EYS: variants seen among roughly 807,000 people sequenced by gnomAD.
EYS encodes protein eyes shut homolog.
In EYS, 250 loss-of-function variants were observed where a neutral mutation model predicts 282.1. The ratio of observed to expected loss-of-function variants is 0.89; its 90% CI spans 0.80 to 0.98. The LOEUF (loss-of-function observed/expected upper bound fraction) is 0.98, where lower values mean the gene tolerates loss of function less well. Ranked by LOEUF, EYS falls within the 50% of genes least tolerant of loss-of-function variation. The pLI is 0.00. For synonymous variants in EYS, 1,355 were observed against 1,282.9 expected, an observed-to-expected ratio of 1.06 and a Z score of -1.20; for missense variants, 4,016 against 3,709.0, an observed-to-expected ratio of 1.08 and a Z score of -2.15.
intron 12 of EYS, among the ~76,000 whole-genome samples, chr6:65,232,376 G>GTATTA (rs1170602644): frequency 6.6e-6 from 1 of 152,036 alleles, no homozygotes; most frequent in African/African-American, 2.4e-5. Flanking sequence ...GTGATCTACT[G>GTATTA]TATTAATGGA....
chr6:65,165,811 A>T (rs759868902), intron 12 of EYS, among the ~76,000 whole-genome samples: 6 of 151,180 alleles, frequency 4.0e-5, no homozygotes, highest in Non-Finnish European at 8.9e-5. Flanking sequence ...ACAATTTTCC[A>T]TATAGAAAAT....
At chr6:63,829,691 G>T (rs572150120) in intron 36 of EYS, among the ~76,000 whole-genome samples, 1 of 152,222 alleles carries the variant, frequency 6.6e-6, no homozygotes, top group Non-Finnish European at 1.5e-5. Flanking sequence ...AAACGTCCCT[G>T]TCTGACAGCT....
At chr6:65,434,716 C>T (rs1296933402) in intron 5 of EYS, among the ~76,000 whole-genome samples, 1 of 145,424 alleles carries the variant, frequency 6.9e-6, no homozygotes, top group Non-Finnish European at 1.5e-5. Context: ...TCTCATCATA[C>T]TTCTTCTCCT....
At chr6:64,340,939 A>G (rs1771079104) in intron 29 of EYS, among the ~76,000 whole-genome samples, 1 of 151,724 alleles carries the variant, frequency 6.6e-6, no homozygotes. Flanking sequence ...AGAAGACATA[A>G]ATGGCCAACA....
intron 1 of EYS, among the ~76,000 whole-genome samples, chr6:65,698,176 T>C (rs573814809): frequency 6.6e-6 from 1 of 152,250 alleles, no homozygotes; most frequent in Admixed American, 6.5e-5. Flanking sequence ...TAAAGAATAG[T>C]TGCCTTCCTA....
intron 22 of EYS, among the ~76,000 whole-genome samples, chr6:64,767,567 A>C (rs988279493): frequency 2.0e-5 from 3 of 152,134 alleles, no homozygotes; most frequent in African/African-American, 7.2e-5. Flanking sequence ...TATTACACTT[A>C]ACATAATGTC....
At chr6:64,269,963 G>A (rs1767887872) in intron 30 of EYS, among the ~76,000 whole-genome samples, 1 of 151,892 alleles carries the variant, frequency 6.6e-6, no homozygotes, top group South Asian at 2.1e-4. Context: ...CTTTACAAAG[G>A]TCCAAAAGAA....
intron 1 of EYS, among the ~76,000 whole-genome samples, chr6:65,680,618 A>G (rs1305500679): frequency 6.6e-6 from 1 of 152,008 alleles, no homozygotes; most frequent in Non-Finnish European, 1.5e-5. Flanking sequence ...AAATGTAAAT[A>G]TGGTTTAAAG....
intron 22 of EYS, among the ~76,000 whole-genome samples, chr6:64,716,696 G>T (rs1771408907): frequency 1.3e-5 from 2 of 152,330 alleles, no homozygotes; most frequent in South Asian, 2.1e-4. Flanking sequence ...AACTAAGAAT[G>T]ATGCGCTCAG....
intron 19 of EYS, among the ~76,000 whole-genome samples, chr6:64,847,185 G>C (rs1765741863): frequency 6.6e-6 from 1 of 151,910 alleles, no homozygotes; most frequent in Non-Finnish European, 1.5e-5. Flanking sequence ...CTCATCCTCT[G>C]TAATTGCAGG....
At chr6:63,849,944 A>C (rs1421036597) in intron 36 of EYS, among the ~76,000 whole-genome samples, 1 of 152,218 alleles carries the variant, frequency 6.6e-6, no homozygotes, top group East Asian at 1.9e-4. Flanking sequence ...GGTTAGAGGA[A>C]TTGCTAACTA....
At chr6:63,728,077 C>T (rs78803086) in intron 41 of EYS, among the ~76,000 whole-genome samples, 1 of 151,782 alleles carries the variant, frequency 6.6e-6, no homozygotes, top group Non-Finnish European at 1.5e-5. Flanking sequence ...ATGTGAGTGT[C>T]CTTTTGAAAC....
chr6:64,804,635 C>T (rs764275881), intron 22 of EYS, among the ~76,000 whole-genome samples: 9 of 151,982 alleles, frequency 5.9e-5, no homozygotes, highest in Non-Finnish European at 1.0e-4. Context: ...ATCGTATATG[C>T]GCCTCTTTGG....
intron 36 of EYS, among the ~76,000 whole-genome samples, chr6:63,820,921 G>A (rs894811479): frequency 6.6e-6 from 1 of 151,982 alleles, no homozygotes; most frequent in African/African-American, 2.4e-5. Flanking sequence ...ACTAGGTATT[G>A]GTGGGTTGTT....
chr6:65,143,138 C>T (rs1487192330), intron 12 of EYS, among the ~76,000 whole-genome samples: 1 of 151,860 alleles, frequency 6.6e-6, no homozygotes, highest in African/African-American at 2.4e-5. Flanking sequence ...TGTCCACACA[C>T]CCGAGAATGA....
At chr6:65,230,069 A>T (rs1191629748) in intron 12 of EYS, among the ~76,000 whole-genome samples, 2 of 151,944 alleles carry the variant, frequency 1.3e-5, no homozygotes, top group African/African-American at 4.8e-5. Context: ...GAACTATGAA[A>T]AGTGAATATT....
chr6:65,323,326 A>C (rs1769529501), intron 11 of EYS, among the ~76,000 whole-genome samples: 1 of 146,204 alleles, frequency 6.8e-6, no homozygotes, highest in Admixed American at 6.9e-5. Context: ...AATGAACCAT[A>C]AAAGCTGGCA....
At chr6:63,905,609 C>T (rs932591736) in intron 35 of EYS, among the ~76,000 whole-genome samples, 2 of 152,088 alleles carry the variant, frequency 1.3e-5, no homozygotes, top group Admixed American at 6.5e-5. Context: ...GGATTACAGG[C>T]GTAAGCCACC....
intron 40 of EYS, among the ~76,000 whole-genome samples, chr6:63,772,132 G>A (rs1051225803): frequency 2.7e-5 from 4 of 149,236 alleles, no homozygotes; most frequent in Non-Finnish European, 5.9e-5. Flanking sequence ...CTTTTTAGCA[G>A]ATATAGCTGG....
Sources: allele counts gnomAD v4.1 joint callset (sites outside exome capture counted in the v4.1 genomes callset), GRCh38; gene constraint gnomAD v4.1.1; transcripts MANE v1.5; gene names NCBI Gene and HGNC (gene_info 2026-07-23, HGNC 2026-07-21).